Variants in TMEM182 observed in about 807,000 individuals in gnomAD.
TMEM182 encodes transmembrane protein 182.
Under a neutral mutation model 26.8 loss-of-function variants are expected in TMEM182, and 20 were observed. That is an observed-to-expected ratio of 0.75 (90% CI 0.53 to 1.09). The LOEUF (loss-of-function observed/expected upper bound fraction) is 1.09. Ranked by LOEUF, TMEM182 falls within the 50% of genes least tolerant of loss-of-function variation. TMEM182 has a pLI of 0.00. For missense variants in TMEM182, 277 were observed against 275.5 expected (o/e 1.01, Z -0.04); for synonymous variants, 109 against 102.2 (o/e 1.07, Z -0.40).
chr2:102,756,801 G>A (rs1680051362), intron 1 of TMEM182, among the ~76,000 whole-genome samples: 1 of 149,896 alleles, frequency 6.7e-6, no homozygotes, highest in African/African-American at 2.5e-5. Flanking sequence ...TCTTAATTAA[G>A]CACAATCCCA....
chr2:102,762,342 A>C lies in TMEM182; in HGVS notation c.125A>C (p.Glu42Ala). 1.2e-6 allele frequency: 2 copies of C among 1,613,920 alleles called. No homozygotes were observed. The highest frequency in any genetic ancestry group is 1.7e-6 in the Non-Finnish European group (2 of 1,179,930). ...ACTGAAGTGGGGAGATGTTCAGGTG[A>C]AAAGAATGTGAGTCTCTTCTTCAAA... Reference protein sequence around the residue: ...LATEVGRCSGEKNIENVTFHH... With the variant: ...LATEVGRCSGAKNIENVTFHH... Residue 42 changes from glutamate to alanine, a missense_variant, in exon 1 of 5, where the codon GAA becomes GCA. Coordinates refer to ENST00000412401, the MANE Select transcript of TMEM182 (RefSeq NM_144632.5).
At chr2:102,809,293 C>A (rs1682462590) in intron 4 of TMEM182, among the ~76,000 whole-genome samples, 1 of 152,172 alleles carries the variant, frequency 6.6e-6, no homozygotes, top group Non-Finnish European at 1.5e-5. Flanking sequence ...TTCCCAGTAT[C>A]TCCCTTGAAG....
intron 3 of TMEM182, among the ~76,000 whole-genome samples, chr2:102,841,605 T>C (rs1012079554): frequency 6.6e-6 from 1 of 152,238 alleles, no homozygotes; most frequent in African/African-American, 2.4e-5. Flanking sequence ...GAGCATGCGG[T>C]GTCTGTTGTC....
At chr2:102,739,245 T>C (rs1008868756) in intron 1 of TMEM182, among the ~76,000 whole-genome samples, 6 of 152,172 alleles carry the variant, frequency 3.9e-5, no homozygotes, top group African/African-American at 1.4e-4. Context: ...CAGAATGCCT[T>C]GACCTGCAGG....
At chr2:102,785,546 C>T (rs1015989143) in intron 3 of TMEM182, among the ~76,000 whole-genome samples, 1 of 152,154 alleles carries the variant, frequency 6.6e-6, no homozygotes, top group African/African-American at 2.4e-5. Flanking sequence ...GATTTTCAAT[C>T]GGTGCTCAAA....
intron 3 of TMEM182, among the ~76,000 whole-genome samples, chr2:102,771,759 A>G (rs1316673560): frequency 6.6e-6 from 1 of 152,154 alleles, no homozygotes; most frequent in Non-Finnish European, 1.5e-5. Context: ...CCTGATGTGT[A>G]CAGCAGGATT....
chr2:102,774,883 T>G (rs1283685832), intron 3 of TMEM182, among the ~76,000 whole-genome samples: 1 of 152,242 alleles, frequency 6.6e-6, no homozygotes. Flanking sequence ...TGAAATTAGA[T>G]AGAGTGATTC....
At chr2:102,770,543 C>T (rs1222998340) in intron 3 of TMEM182, among the ~76,000 whole-genome samples, 1 of 152,202 alleles carries the variant, frequency 6.6e-6, no homozygotes, top group Non-Finnish European at 1.5e-5. Context: ...CACATTTTGT[C>T]ACCTGAGGAT....
rs1353691377 is a variant in TMEM182, at chr2:102,816,712, C to T, written c.*1744C>T. 1 of 985,636 alleles carries T rather than the reference C, an allele frequency of 1.0e-6. No homozygotes were observed. The allele number at this position is 985,636 out of a possible 1,614,324, so 61.1% of individuals were successfully genotyped here. A position where few individuals can be genotyped will look rare whatever the true frequency, so the allele number is the denominator to read the frequency against. ...AAAAATAATTATGAGGTCTGTTGTG[C>T]ATGTTGACTGTGATATTAAGTTATG... On this transcript the variant is annotated 3_prime_UTR_variant, in exon 5 of 5. Coordinates refer to ENST00000412401, the MANE Select transcript of TMEM182 (RefSeq NM_144632.5).
rs1680231247 is a variant in TMEM182, at chr2:102,762,044, G to A, written c.-174G>A. 1 of 537,264 alleles carries A rather than the reference G, an allele frequency of 1.9e-6. No homozygotes were observed. Among genetic ancestry groups the A allele is most frequent in the African/African-American group, 1.9e-5 (1 of 52,030 alleles). 33.3% of individuals were successfully genotyped at this position (537,264 alleles called of 1,614,324 possible). Reference sequence around the variant, plus strand: ...CAAAGGGAATATGAATCTGCCGGTGGGGCGTGAGCGAGAAGCCACCAAAAC... The same window carrying A: ...CAAAGGGAATATGAATCTGCCGGTGAGGCGTGAGCGAGAAGCCACCAAAAC... On this transcript the variant is annotated 5_prime_UTR_variant, in exon 1 of 5. Coordinates refer to ENST00000412401, the MANE Select transcript of TMEM182 (RefSeq NM_144632.5).
At chr2:102,830,758 C>T (rs1683134278) in intron 3 of TMEM182, among the ~76,000 whole-genome samples, 1 of 152,098 alleles carries the variant, frequency 6.6e-6, no homozygotes. Context: ...ATTATAGTCA[C>T]CCTATTGTGC....
At chr2:102,758,285 A>C, upstream of TMEM182, 1 of 517,110 alleles carries the variant, frequency 1.9e-6, no homozygotes, top group Non-Finnish European at 3.5e-6. Context: ...AAATTTGTGA[A>C]GAACACCACA....
chr2:102,772,934 TGAAG>T (rs1181488829), intron 3 of TMEM182, among the ~76,000 whole-genome samples: 3 of 149,744 alleles, frequency 2.0e-5, no homozygotes, highest in Non-Finnish European at 4.4e-5. Flanking sequence ...TTCTGCTCTC[TGAAG>T]GGTGTGTGTG....
intron 1 of TMEM182, among the ~76,000 whole-genome samples, chr2:102,749,355 C>A (rs370377273): frequency 1.3e-5 from 2 of 152,150 alleles, no homozygotes; most frequent in South Asian, 4.1e-4. Context: ...CTATATATTC[C>A]ATTTAGATGA....
At chr2:102,774,603 C>T (rs1303814096) in intron 3 of TMEM182, among the ~76,000 whole-genome samples, 1 of 152,026 alleles carries the variant, frequency 6.6e-6, no homozygotes, top group East Asian at 1.9e-4. Context: ...TTATGAATTA[C>T]GCTTACATTT....
At chr2:102,839,447 C>A (rs868419705) in intron 3 of TMEM182, among the ~76,000 whole-genome samples, 6 of 134,400 alleles carry the variant, frequency 4.5e-5, no homozygotes, top group South Asian at 2.5e-4. Flanking sequence ...TGATGTTTTG[C>A]TATATATATA....
chr2:102,762,627 G>T lies in TMEM182; in HGVS notation c.173G>T (p.Arg58Met). 6.2e-7 allele frequency: 1 copy of T among 1,613,936 alleles called. No homozygotes were observed. Among genetic ancestry groups the T allele is most frequent in the Non-Finnish European group, 8.5e-7 (1 of 1,179,940 alleles). Residue 58 changes from arginine to methionine, a missense_variant, in exon 2 of 5, where the codon AGG becomes ATG. Physicochemically the swap from Arg to Met is moderately conservative, Grantham distance 91. Coordinates refer to ENST00000412401, the MANE Select transcript of TMEM182 (RefSeq NM_144632.5). ...TTTCACCATGAAGGGTTCTTCTGGA[G>T]GTGTTGGTTTAATGGGATTGTGGAA... ...VTFHHEGFFW[R>M]CWFNGIVEEN...
rs190379612 is a variant in TMEM182 at position 102,828,976 on chromosome 2, G to C, written c.326-14436G>C. On this transcript the variant is annotated intron_variant, in intron 3 of 3. Transcript: ENST00000486293. ...AATATGTATATTGAACAAATATTCT[G>C]TGGCCCGTTTATGGTTATTTAGAAA... 1.8e-4 allele frequency among the ~76,000 whole-genome samples: 27 copies of C among 152,316 alleles called. No homozygotes were observed. The East Asian group carries it at 5.0e-3, about 28-fold the overall frequency.
At chr2:102,744,085 C>T (rs1247572986) in intron 1 of TMEM182, among the ~76,000 whole-genome samples, 1 of 152,170 alleles carries the variant, frequency 6.6e-6, no homozygotes, top group Non-Finnish European at 1.5e-5. Context: ...TTGTGAAATA[C>T]TTTAACATCA....
Sources: allele counts gnomAD v4.1 joint callset (sites outside exome capture counted in the v4.1 genomes callset), GRCh38; gene constraint gnomAD v4.1.1; transcripts MANE v1.5; gene names NCBI Gene and HGNC (gene_info 2026-07-23, HGNC 2026-07-21).